The following DLGAP2 variants were observed in gnomAD, a reference collection of about 807,000 sequenced individuals.
DLGAP2 encodes the protein disks large-associated protein 2.
DLGAP2 carries 26 observed loss-of-function variants against 100.3 expected under a neutral mutation model. The ratio of observed to expected loss-of-function variants is 0.26; its 90% confidence interval spans 0.19 to 0.36. DLGAP2 has a LOEUF of 0.36. DLGAP2 is among the 10% of genes least tolerant of loss of function. DLGAP2 has a pLI of 1.00. For synonymous variants in DLGAP2, 886 were observed against 630.1 expected (o/e 1.41, Z -6.08); for missense variants, 1,858 against 1,453.2 (o/e 1.28, Z -4.53).
chr8:1,459,402 A>G (rs1345179938), intron 3 of DLGAP2, among the ~76,000 whole-genome samples: 1 of 152,250 alleles, frequency 6.6e-6, no homozygotes, highest in Non-Finnish European at 1.5e-5. Context: ...CGCCACGTTC[A>G]GAGATTGTCA....
chr8:1,039,364 C>G (rs1479179050), intron 2 of DLGAP2, among the ~76,000 whole-genome samples: 1 of 150,222 alleles, frequency 6.7e-6, no homozygotes, highest in African/African-American at 2.5e-5. Flanking sequence ...GCGTGGTCAG[C>G]TCGGTGTGCA....
chr8:1,509,236 C>T (rs568984110), intron 4 of DLGAP2, among the ~76,000 whole-genome samples: 44 of 150,628 alleles, frequency 2.9e-4, no homozygotes, highest in Non-Finnish European at 4.9e-4. Flanking sequence ...GAGGCTGAGG[C>T]GGAAGAATTG....
At chr8:1,160,198 C>G (rs1314526695) in intron 2 of DLGAP2, among the ~76,000 whole-genome samples, 2 of 152,164 alleles carry the variant, frequency 1.3e-5, no homozygotes, top group African/African-American at 4.8e-5. Flanking sequence ...AGTCAGTTCA[C>G]CGTAGAAAAC....
intron 4 of DLGAP2, among the ~76,000 whole-genome samples, chr8:1,539,919 AC>A (rs1468753267): frequency 1.3e-5 from 2 of 151,244 alleles, no homozygotes; most frequent in East Asian, 2.0e-4. Flanking sequence ...AGCCAGGGAG[AC>A]CCCCTCAAGC....
intron 2 of DLGAP2, among the ~76,000 whole-genome samples, chr8:1,181,342 T>A (rs556617922): frequency 6.6e-6 from 1 of 152,244 alleles, no homozygotes; most frequent in African/African-American, 2.4e-5. Context: ...GTGCACTGTT[T>A]GATCTTTAAC....
At chr8:1,517,200 G>A (rs1441723963) in intron 4 of DLGAP2, among the ~76,000 whole-genome samples, 1 of 152,166 alleles carries the variant, frequency 6.6e-6, no homozygotes, top group Non-Finnish European at 1.5e-5. Flanking sequence ...TCTTTTGAAA[G>A]GGGTGATGTT....
chr8:1,096,074 G>A (rs190825305), intron 2 of DLGAP2, among the ~76,000 whole-genome samples: 11 of 152,226 alleles, frequency 7.2e-5, no homozygotes, highest in South Asian at 4.1e-4. Flanking sequence ...TTTGTTCAGA[G>A]ATGACGTTGC....
intron 3 of DLGAP2, among the ~76,000 whole-genome samples, chr8:1,355,333 G>C (rs894585339): frequency 6.6e-6 from 1 of 152,010 alleles, no homozygotes; most frequent in African/African-American, 2.4e-5. Flanking sequence ...GATTGTTTTT[G>C]TTTTTTTATC....
chr8:1,055,262 T>C (rs950683173), intron 2 of DLGAP2, among the ~76,000 whole-genome samples: 5 of 152,210 alleles, frequency 3.3e-5, no homozygotes, highest in Non-Finnish European at 5.9e-5. Flanking sequence ...AGCTCTATTT[T>C]CTTGAAACAG....
At chr8:1,170,196 C>T (rs577225938) in intron 2 of DLGAP2, among the ~76,000 whole-genome samples, 24 of 152,196 alleles carry the variant, frequency 1.6e-4, no homozygotes, top group African/African-American at 3.4e-4. Flanking sequence ...TATTGATTTG[C>T]GTATATTGAA....
At chr8:948,072 C>T (rs953660728) in intron 2 of DLGAP2, among the ~76,000 whole-genome samples, 1 of 150,574 alleles carries the variant, frequency 6.6e-6, no homozygotes, top group African/African-American at 2.4e-5. Context: ...GCCATGGCTT[C>T]CCCGACCCCA....
At chr8:1,190,965 G>T (rs965062954) in intron 2 of DLGAP2, among the ~76,000 whole-genome samples, 2 of 152,258 alleles carry the variant, frequency 1.3e-5, no homozygotes, top group African/African-American at 2.4e-5. Context: ...AGCGCAGCGA[G>T]GGGGGTGGGT....
chr8:1,102,757 G>A (rs190184437), intron 2 of DLGAP2, among the ~76,000 whole-genome samples: 22 of 152,272 alleles, frequency 1.4e-4, no homozygotes, highest in African/African-American at 5.3e-4. Context: ...TCACAGTTGA[G>A]AGGTGGTGAT....
intron 1 of DLGAP2, among the ~76,000 whole-genome samples, chr8:810,767 G>T (rs528431244): frequency 6.6e-6 from 1 of 152,184 alleles, no homozygotes; most frequent in Non-Finnish European, 1.5e-5. Context: ...TTATCCTGTG[G>T]CTGTTTTCCC....
intron 2 of DLGAP2, among the ~76,000 whole-genome samples, chr8:1,160,477 G>C (rs183710545): frequency 2.0e-5 from 3 of 152,180 alleles, no homozygotes; most frequent in Non-Finnish European, 4.4e-5. Context: ...TTCAGCTAGG[G>C]GAGTCTTTTG....
At chr8:1,150,599 A>G (rs1796681436) in intron 2 of DLGAP2, among the ~76,000 whole-genome samples, 1 of 152,230 alleles carries the variant, frequency 6.6e-6, no homozygotes, top group Admixed American at 6.5e-5. Context: ...TGGCTTCTAG[A>G]AAATCCAAGG....
chr8:1,139,003 C>A (rs1796473815), intron 2 of DLGAP2, among the ~76,000 whole-genome samples: 1 of 152,256 alleles, frequency 6.6e-6, no homozygotes, highest in South Asian at 2.1e-4. Flanking sequence ...GAAACGTTCA[C>A]CCTGCCTCAG....
intron 2 of DLGAP2, among the ~76,000 whole-genome samples, chr8:928,164 A>T (rs867346594): frequency 1.3e-5 from 2 of 152,154 alleles, no homozygotes; most frequent in African/African-American, 4.8e-5. Flanking sequence ...ATAGACACGG[A>T]TGTACTGAGG....
chr8:1,243,046 G>C (rs953779722), intron 2 of DLGAP2, among the ~76,000 whole-genome samples: 2 of 152,200 alleles, frequency 1.3e-5, no homozygotes, highest in Admixed American at 6.5e-5. Flanking sequence ...AAACTTGCCA[G>C]CTCCCTCCTT....
Sources: gnomAD v4.1 joint callset for allele counts (sites outside exome capture counted in the v4.1 genomes callset) on GRCh38, gnomAD v4.1.1 for gene constraint, MANE v1.5 for transcripts, NCBI Gene and HGNC (gene_info 2026-07-23, HGNC 2026-07-21) for gene names.